PDZRN4: variants seen among roughly 807,000 people sequenced by gnomAD.
The protein encoded by PDZRN4 is PDZ domain-containing RING finger protein 4.
Under a neutral mutation model 99.0 loss-of-function variants are expected in PDZRN4, and 70 were observed. That is an observed-to-expected ratio of 0.71 (90% CI 0.58 to 0.86). The LOEUF is 0.86. Ranked by LOEUF, PDZRN4 falls within the 40% of genes least tolerant of loss-of-function variation. The pLI, the probability that PDZRN4 is intolerant of heterozygous loss-of-function variation, is 0.00. For synonymous variants in PDZRN4, 551 were observed against 501.6 expected, an observed-to-expected ratio of 1.10 and a Z score of -1.32; for missense variants, 1,474 against 1,331.2, an observed-to-expected ratio of 1.11 and a Z score of -1.67.
At chr12:41,309,626 T>G (rs2120947422) in intron 3 of PDZRN4, among the ~76,000 whole-genome samples, 1 of 152,240 alleles carries the variant, frequency 6.6e-6, no homozygotes, top group Non-Finnish European at 1.5e-5. Flanking sequence ...TGTTAGAAAC[T>G]ATCTGCATGA....
chr12:41,447,518 A>G (rs901064843), intron 3 of PDZRN4, among the ~76,000 whole-genome samples: 1 of 152,142 alleles, frequency 6.6e-6, no homozygotes. Context: ...TTAATTGATA[A>G]GTCTGAACCT....
chr12:41,210,675 T>C (rs1323633827), intron 3 of PDZRN4, among the ~76,000 whole-genome samples: 1 of 152,012 alleles, frequency 6.6e-6, no homozygotes, highest in African/African-American at 2.4e-5. Flanking sequence ...CTATTTCTTT[T>C]GGAGGAGAAA....
At chr12:41,200,512 T>C (rs771246043) in intron 3 of PDZRN4, among the ~76,000 whole-genome samples, 4 of 152,176 alleles carry the variant, frequency 2.6e-5, no homozygotes, top group African/African-American at 9.7e-5. Flanking sequence ...TTGTGAGTGC[T>C]AAACTCCTGA....
At chr12:41,491,699 T>G (rs1277383367) in intron 3 of PDZRN4, among the ~76,000 whole-genome samples, 1 of 152,084 alleles carries the variant, frequency 6.6e-6, no homozygotes, top group Non-Finnish European at 1.5e-5. Context: ...TCTTCTGCAG[T>G]TTTTAGGATC....
chr12:41,188,985 A>T lies in PDZRN4; in HGVS notation c.530A>T (p.Gln177Leu). Reference protein sequence around the residue: ...WRRREKALLAQLWALQGEVQL... With the variant: ...WRRREKALLALLWALQGEVQL... ...CGGCGCGAGAAGGCGCTGCTGGCGC[A>T]GCTCTGGGCGCTGCAGGGCGAGGTG... The change falls in exon 1 of 10, where the codon CAG becomes CTG. Residue 177 changes from glutamine (Q) to leucine (L), a missense_variant. Coordinates refer to ENST00000402685, the MANE Select transcript of PDZRN4 (RefSeq NM_001164595.2). 6.7e-7 allele frequency: 1 copy of T among 1,501,914 alleles called. No homozygotes were observed. Among genetic ancestry groups the T allele is most frequent in the Non-Finnish European group, 8.9e-7 (1 of 1,129,642 alleles). The allele number at this position is 1,501,914 out of a possible 1,614,324, so 93.0% of individuals were successfully genotyped here.
Position 41,194,070 on chromosome 12 carries a change from T to C in PDZRN4, c.736-11T>C. 1 of 1,271,322 alleles carries C rather than the reference T, an allele frequency of 7.9e-7. No individual in the cohort carries two copies. The highest frequency in any genetic ancestry group is 1.9e-4 in the Middle Eastern group (1 of 5,348). The allele number at this position is 1,271,322 out of a possible 1,614,324, so 78.8% of individuals were successfully genotyped here. A position where few individuals can be genotyped will look rare whatever the true frequency, so the allele number is the denominator to read the frequency against. Reference sequence around the variant, plus strand: ...TACATCTTTCTTCTGCTAATGATTTTTTAAAAATAGAATAATCAGGAAGGA... The same window carrying C: ...TACATCTTTCTTCTGCTAATGATTTCTTAAAAATAGAATAATCAGGAAGGA... On this transcript the variant is annotated splice_polypyrimidine_tract_variant and intron_variant, in intron 2 of 9. Transcript: ENST00000402685.
At chr12:41,257,541 A>G (rs1459875834) in intron 3 of PDZRN4, among the ~76,000 whole-genome samples, 1 of 152,208 alleles carries the variant, frequency 6.6e-6, no homozygotes, top group Non-Finnish European at 1.5e-5. Flanking sequence ...TAGCCCTGGA[A>G]TAGACCTTAG....
chr12:41,554,819 GTA>G (rs974397034), intron 6 of PDZRN4, among the ~76,000 whole-genome samples: 7 of 151,710 alleles, frequency 4.6e-5, no homozygotes, highest in East Asian at 2.0e-4. Context: ...GCGTGTGTGT[GTA>G]TGTGTGTGTG....
At chr12:41,255,577 A>G (rs754004156) in intron 3 of PDZRN4, among the ~76,000 whole-genome samples, 3 of 152,152 alleles carry the variant, frequency 2.0e-5, no homozygotes, top group Non-Finnish European at 4.4e-5. Flanking sequence ...TGTTTTTATT[A>G]CATTTTAACT....
In PDZRN4 at chr12:41,203,665, C is replaced by G. The variant is rs1027846231; in HGVS notation, c.843+9477C>G. On this transcript the variant is annotated intron_variant, in intron 3 of 9. Transcript: ENST00000402685. ...TGAGAAGACTGAGGCACAGAGAGAT[C>G]AACTAATTTGCCAAGGCCACACAGT... is the stretch of plus-strand genomic sequence containing the variant. Among the ~76,000 whole-genome samples, 5 of 152,108 alleles carry G rather than the reference C, an allele frequency of 3.3e-5. 1 individual carries two copies. The highest frequency in any genetic ancestry group is 3.3e-4 in the Admixed American group (5 of 15,246).
intron 5 of PDZRN4, among the ~76,000 whole-genome samples, chr12:41,526,541 A>G (rs1592097537): frequency 1.3e-5 from 2 of 152,220 alleles, no homozygotes; most frequent in Non-Finnish European, 2.9e-5. Flanking sequence ...GAGCATAAGG[A>G]AAGTCCTGAC....
At chr12:41,229,232 G>C (rs1468548425) in intron 3 of PDZRN4, among the ~76,000 whole-genome samples, 1 of 151,514 alleles carries the variant, frequency 6.6e-6, no homozygotes, top group Non-Finnish European at 1.5e-5. Context: ...CTTAGTAATG[G>C]ACCACGCAAA....
At chr12:41,523,216 T>C (rs2120719736) in intron 5 of PDZRN4, among the ~76,000 whole-genome samples, 1 of 152,244 alleles carries the variant, frequency 6.6e-6, no homozygotes, top group Admixed American at 6.6e-5. Flanking sequence ...ATGGTAGATA[T>C]GTATATATTC....
chr12:41,538,806 C>T (rs1482888262), intron 5 of PDZRN4, among the ~76,000 whole-genome samples: 1 of 151,878 alleles, frequency 6.6e-6, no homozygotes, highest in South Asian at 2.1e-4. Flanking sequence ...CATCATTATA[C>T]AAACATACAA....
At chr12:41,514,421 A>T (rs992058740) in intron 5 of PDZRN4, among the ~76,000 whole-genome samples, 1 of 152,118 alleles carries the variant, frequency 6.6e-6, no homozygotes, top group South Asian at 2.1e-4. Context: ...GGAAATTTTC[A>T]TTCAAAAAAT....
At chr12:41,392,521 C>G (rs538595749) in intron 3 of PDZRN4, among the ~76,000 whole-genome samples, 1 of 152,130 alleles carries the variant, frequency 6.6e-6, no homozygotes, top group Non-Finnish European at 1.5e-5. Flanking sequence ...CTAGAAGGCT[C>G]CATATTACCA....
intron 3 of PDZRN4, among the ~76,000 whole-genome samples, chr12:41,204,885 A>G (rs1950838507): frequency 6.6e-6 from 1 of 151,906 alleles, no homozygotes; most frequent in Non-Finnish European, 1.5e-5. Context: ...TCTCAATCAA[A>G]TATGTCATCT....
At chr12:41,402,131 ATATATATATACACACACTGAG>A (rs1446159424) in intron 3 of PDZRN4, among the ~76,000 whole-genome samples, 23 of 101,608 alleles carry the variant, frequency 2.3e-4, no homozygotes, top group African/African-American at 1.0e-3. Context: ...ATATATATAT[ATATATATATACACACACTGAG>A]TATATATATA....
At chr12:41,221,100 A>G (rs1355041536) in intron 3 of PDZRN4, among the ~76,000 whole-genome samples, 2 of 152,196 alleles carry the variant, frequency 1.3e-5, no homozygotes, top group Non-Finnish European at 2.9e-5. Context: ...TCCTGCTCAC[A>G]TGTCAGGAAA....
Sources: allele counts gnomAD v4.1 joint callset (sites outside exome capture counted in the v4.1 genomes callset), GRCh38; gene constraint gnomAD v4.1.1; transcripts MANE v1.5; gene names NCBI Gene and HGNC (gene_info 2026-07-23, HGNC 2026-07-21).